SOX5: variants seen among roughly 807,000 people sequenced by gnomAD.
SOX5 encodes the protein transcription factor SOX-5.
Under a neutral mutation model 92.0 loss-of-function variants are expected in SOX5, and 9 were observed. The ratio of observed to expected loss-of-function variants is 0.10; its 90% CI spans 0.06 to 0.17. SOX5 has a LOEUF of 0.17. SOX5 is among the 10% of genes least tolerant of loss of function. The probability of loss-of-function intolerance (pLI) is 1.00; values close to 1 mark genes in which losing one functional copy is unlikely to be tolerated. For synonymous variants in SOX5, 344 were observed against 336.3 expected, an observed-to-expected ratio of 1.02 and a Z score of -0.25; for missense variants, 642 against 944.5, an observed-to-expected ratio of 0.68 and a Z score of 4.20.
At chr12:24,125,018 A>C (rs1948978365) in intron 4 of SOX5, among the ~76,000 whole-genome samples, 1 of 152,216 alleles carries the variant, frequency 6.6e-6, no homozygotes, top group Non-Finnish European at 1.5e-5. Flanking sequence ...GATGATTATA[A>C]ATATAGCCAT....
intron 3 of SOX5, among the ~76,000 whole-genome samples, chr12:23,815,282 G>A (rs1276857730): frequency 1.3e-5 from 2 of 152,130 alleles, no homozygotes; most frequent in Non-Finnish European, 2.9e-5. Flanking sequence ...AGCTAATATT[G>A]AAAGTGTCTG....
intron 3 of SOX5, among the ~76,000 whole-genome samples, chr12:24,265,415 G>A (rs914606882): frequency 3.9e-5 from 6 of 152,104 alleles, no homozygotes; most frequent in African/African-American, 1.4e-4. Context: ...GTGGTGACAT[G>A]TGCCTTCAGT....
chr12:23,724,781 T>A (rs978258491), intron 6 of SOX5, among the ~76,000 whole-genome samples: 1 of 152,112 alleles, frequency 6.6e-6, no homozygotes, highest in Non-Finnish European at 1.5e-5. Context: ...TTCCAGGCCA[T>A]GAGAATAACC....
At chr12:23,847,943 A>G (rs990510801) in intron 2 of SOX5, among the ~76,000 whole-genome samples, 1 of 152,210 alleles carries the variant, frequency 6.6e-6, no homozygotes, top group Admixed American at 6.5e-5. Flanking sequence ...ACACACACAC[A>G]GAGCCCTAAA....
intron 1 of SOX5, among the ~76,000 whole-genome samples, chr12:23,928,215 T>C (rs145925096): frequency 3.9e-5 from 6 of 152,092 alleles, no homozygotes; most frequent in East Asian, 1.9e-4. Flanking sequence ...AGGAAAAACA[T>C]AGGACCTACA....
chr12:24,317,116 C>A (rs1336013359), intron 2 of SOX5, among the ~76,000 whole-genome samples: 2 of 152,114 alleles, frequency 1.3e-5, no homozygotes, highest in Non-Finnish European at 1.5e-5. Context: ...GAGCTGAGAT[C>A]TTTTATTTTA....
At chr12:24,001,903 G>T (rs1951646266) in intron 4 of SOX5, among the ~76,000 whole-genome samples, 1 of 152,090 alleles carries the variant, frequency 6.6e-6, no homozygotes, top group South Asian at 2.1e-4. Flanking sequence ...GTTCAAAGTT[G>T]CAGTAAGCTA....
At chr12:24,061,988 G>GA (rs952242287) in intron 4 of SOX5, among the ~76,000 whole-genome samples, 3 of 147,158 alleles carry the variant, frequency 2.0e-5, no homozygotes, top group African/African-American at 7.8e-5. Flanking sequence ...TTTGAGAGAG[G>GA]AAAAAATGTA....
chr12:23,617,307 A>G (rs1308355190), intron 8 of SOX5, among the ~76,000 whole-genome samples: 3 of 152,086 alleles, frequency 2.0e-5, no homozygotes, highest in Non-Finnish European at 4.4e-5. Context: ...TATTATTATG[A>G]CCCACACTTC....
intron 4 of SOX5, among the ~76,000 whole-genome samples, chr12:24,113,629 T>C (rs561691223): frequency 6.6e-6 from 1 of 152,208 alleles, no homozygotes; most frequent in Admixed American, 6.5e-5. Context: ...ATAAAAAGTT[T>C]AAAAAATGAA....
At chr12:23,894,944 A>G (rs1390474139) in intron 2 of SOX5, among the ~76,000 whole-genome samples, 1 of 152,322 alleles carries the variant, frequency 6.6e-6, no homozygotes, top group East Asian at 1.9e-4. Context: ...AAGCAGCCAC[A>G]CTGAAAAGGT....
chr12:24,469,587 G>A (rs530669326), intron 1 of SOX5, among the ~76,000 whole-genome samples: 13 of 152,154 alleles, frequency 8.5e-5, no homozygotes, highest in Middle Eastern at 3.4e-3. Context: ...TTTCTATGAC[G>A]CCCCAGGCTA....
chr12:24,095,126 C>CAGAGAG (rs1469520600), intron 4 of SOX5, among the ~76,000 whole-genome samples: 1 of 90,142 alleles, frequency 1.1e-5, no homozygotes, highest in African/African-American at 4.3e-5. Context: ...CACACACACA[C>CAGAGAG]ACAGAGAGAG....
intron 1 of SOX5, among the ~76,000 whole-genome samples, chr12:24,398,028 T>C (rs542936165): frequency 9.2e-5 from 14 of 152,068 alleles, no homozygotes; most frequent in Admixed American, 9.2e-4. Context: ...TTTTTTGTAT[T>C]TTTAGTAGAG....
chr12:24,038,897 T>C (rs10771055), intron 4 of SOX5, among the ~76,000 whole-genome samples: 44,047 of 152,108 alleles, frequency 0.29, 7,133 homozygotes, highest in East Asian at 0.62. Context: ...GAATTCTCTG[T>C]GGTTTTTATC....
At chr12:24,362,830 CAGAA>C (rs1348791011) in intron 2 of SOX5, among the ~76,000 whole-genome samples, 1 of 127,940 alleles carries the variant, frequency 7.8e-6, no homozygotes, top group Non-Finnish European at 1.6e-5. Flanking sequence ...TATAGGATCT[CAGAA>C]AGAAAATCAC....
intron 3 of SOX5, among the ~76,000 whole-genome samples, chr12:24,272,260 T>C (rs1044660168): frequency 2.0e-5 from 3 of 152,168 alleles, no homozygotes; most frequent in Admixed American, 2.0e-4. Context: ...AACTGTACAT[T>C]ATACTATATT....
intron 7 of SOX5, among the ~76,000 whole-genome samples, chr12:23,644,140 G>A (rs1294908131): frequency 6.6e-6 from 1 of 152,150 alleles, no homozygotes; most frequent in Non-Finnish European, 1.5e-5. Flanking sequence ...GGCTGCCTTG[G>A]TTGCCCACAC....
intron 1 of SOX5, among the ~76,000 whole-genome samples, chr12:24,457,165 C>G (rs556131451): frequency 6.6e-6 from 1 of 152,074 alleles, no homozygotes; most frequent in African/African-American, 2.4e-5. Flanking sequence ...AAGCGCAAAT[C>G]GCTGTATTCA....
Sources: gnomAD v4.1 joint callset for allele counts (sites outside exome capture counted in the v4.1 genomes callset) on GRCh38, gnomAD v4.1.1 for gene constraint, MANE v1.5 for transcripts, NCBI Gene and HGNC (gene_info 2026-07-23, HGNC 2026-07-21) for gene names.